GRIN2A: variants seen among roughly 807,000 people sequenced by gnomAD.
GRIN2A encodes glutamate receptor ionotropic, NMDA 2A.
Under a neutral mutation model 113.4 loss-of-function variants are expected in GRIN2A, and 22 were observed. The observed-to-expected ratio is 0.19, with a 90% CI of 0.14 to 0.28. GRIN2A has a LOEUF of 0.28. Ranked by LOEUF, GRIN2A falls within the 10% of genes least tolerant of loss-of-function variation. The pLI is 1.00. For missense variants in GRIN2A, 1,502 were observed against 1,887.0 expected (o/e 0.80, Z 3.78); for synonymous variants, 827 against 738.4 (o/e 1.12, Z -1.94).
At chr16:9,863,515 T>C (rs2043108057) in intron 4 of GRIN2A, among the ~76,000 whole-genome samples, 1 of 152,210 alleles carries the variant, frequency 6.6e-6, no homozygotes, top group Non-Finnish European at 1.5e-5. Flanking sequence ...TGAGCTCTAC[T>C]TTGCAGGCTT....
At chr16:9,858,804 C>A (rs1379140157) in intron 4 of GRIN2A, among the ~76,000 whole-genome samples, 3 of 152,074 alleles carry the variant, frequency 2.0e-5, no homozygotes, top group African/African-American at 7.2e-5. Context: ...TTAATATACA[C>A]CTCTTATGTC....
intron 10 of GRIN2A, among the ~76,000 whole-genome samples, chr16:9,812,651 AAAAG>A (rs537063038): frequency 2.0e-4 from 30 of 152,264 alleles, no homozygotes; most frequent in African/African-American, 7.0e-4. Context: ...ACAAAAACAA[AAAAG>A]AAAGAAAAAA....
chr16:10,074,961 T>G (rs951703294), intron 2 of GRIN2A, among the ~76,000 whole-genome samples: 1 of 152,180 alleles, frequency 6.6e-6, no homozygotes, highest in Non-Finnish European at 1.5e-5. Flanking sequence ...AGTGCTATTA[T>G]ACATAGATAA....
intron 3 of GRIN2A, among the ~76,000 whole-genome samples, chr16:9,904,925 C>T (rs141649685): frequency 1.7e-3 from 263 of 152,322 alleles, no homozygotes; most frequent in Admixed American, 0.014. Context: ...GTGTGACCAA[C>T]CATCCCAGTT....
At chr16:9,878,664 G>A (rs149767158) in intron 4 of GRIN2A, among the ~76,000 whole-genome samples, 22 of 152,208 alleles carry the variant, frequency 1.4e-4, no homozygotes, top group African/African-American at 5.3e-4. Context: ...ATCAACGTAT[G>A]TTCCCATAGA....
intron 2 of GRIN2A, among the ~76,000 whole-genome samples, chr16:10,010,686 C>G (rs1450755252): frequency 6.6e-6 from 1 of 152,266 alleles, no homozygotes; most frequent in East Asian, 1.9e-4. Context: ...ATGACTAGGA[C>G]TCAGCTCAGA....
intron 3 of GRIN2A, among the ~76,000 whole-genome samples, chr16:9,901,960 A>G (rs2043936619): frequency 6.6e-6 from 1 of 152,270 alleles, no homozygotes; most frequent in Non-Finnish European, 1.5e-5. Context: ...TATATGTTGA[A>G]TGGTGTGCCA....
intron 2 of GRIN2A, among the ~76,000 whole-genome samples, chr16:10,099,421 C>G (rs2048352043): frequency 6.6e-6 from 1 of 152,212 alleles, no homozygotes; most frequent in Admixed American, 6.5e-5. Context: ...AGATTCAGCA[C>G]TGGGAGAAGC....
rs2049845316 is a variant in GRIN2A at position 10,163,379 on chromosome 16, C to T, written c.414+16619G>A. Reference sequence around the variant, plus strand: ...TTCAAAATGCTCTCAGCCCTACCTCCCTTTTTCAGGGCATGGTTAATATAT... The same window carrying T: ...TTCAAAATGCTCTCAGCCCTACCTCTCTTTTTCAGGGCATGGTTAATATAT... On this transcript the variant is annotated intron_variant, in intron 2 of 12. Coordinates refer to ENST00000330684, the MANE Select transcript of GRIN2A (RefSeq NM_001134407.3). 3.3e-5 allele frequency among the ~76,000 whole-genome samples: 5 copies of T among 152,306 alleles called. No homozygotes were observed. In the South Asian group the frequency reaches 1.0e-3, roughly 32 times the overall value.
In GRIN2A at chr16:9,754,567, G is replaced by C. The variant is rs1900282806; in HGVS notation, c.*8582C>G. On this transcript the variant is annotated 3_prime_UTR_variant, in exon 13 of 13. Transcript: ENST00000330684. ...CTCAAATTAGAGGCCTGAATCTTTT[G>C]TTTTTAAACTGAAACATTTACGTAA... is the stretch of plus-strand genomic sequence containing the variant. The C allele has an allele frequency of 4.7e-6, 1 of 211,624 alleles. No individual in the cohort carries two copies. The highest frequency in any genetic ancestry group is 5.9e-5 in the Admixed American group (1 of 17,032). 13.1% of individuals were successfully genotyped at this position (211,624 alleles called of 1,614,324 possible).
intron 2 of GRIN2A, among the ~76,000 whole-genome samples, chr16:9,981,240 C>T (rs930166499): frequency 1.3e-5 from 2 of 152,212 alleles, no homozygotes; most frequent in East Asian, 1.9e-4. Context: ...CTCAAGGCAG[C>T]ACTGCCATGC....
At chr16:9,782,127 T>G (rs1354809723) in intron 11 of GRIN2A, among the ~76,000 whole-genome samples, 1 of 152,240 alleles carries the variant, frequency 6.6e-6, no homozygotes, top group Non-Finnish European at 1.5e-5. Context: ...CTTTCTGTAT[T>G]TGTGAATTCA....
At chr16:10,087,231 T>G (rs1386547990) in intron 2 of GRIN2A, among the ~76,000 whole-genome samples, 3 of 152,238 alleles carry the variant, frequency 2.0e-5, no homozygotes, top group African/African-American at 7.2e-5. Flanking sequence ...CTACTATATC[T>G]ACCGCATTGG....
chr16:9,807,176 G>GA (rs1252353924), intron 10 of GRIN2A, among the ~76,000 whole-genome samples: 1 of 139,672 alleles, frequency 7.2e-6, no homozygotes, highest in Non-Finnish European at 1.5e-5. Context: ...TCAGCAGTGT[G>GA]AAAATGAACT....
chr16:9,938,721 G>C (rs1209950911), intron 2 of GRIN2A, among the ~76,000 whole-genome samples, 170 bp from the exon 3 acceptor site: 1 of 152,142 alleles, frequency 6.6e-6, no homozygotes, highest in Non-Finnish European at 1.5e-5. Flanking sequence ...AATACAGAGA[G>C]GACAGAAGCC....
chr16:10,039,197 G>T (rs1331317179), intron 2 of GRIN2A, among the ~76,000 whole-genome samples: 1 of 152,092 alleles, frequency 6.6e-6, no homozygotes, highest in Non-Finnish European at 1.5e-5. Flanking sequence ...GAAAAGAAAG[G>T]CAGAGGGGGG....
At chr16:9,970,710 G>C in intron 2 of GRIN2A, 1 of 898,934 alleles carries the variant, frequency 1.1e-6, no homozygotes, top group Non-Finnish European at 1.3e-6. Context: ...AGGTACTGAA[G>C]ATAAAATAAA....
At chr16:10,009,450 T>C (rs2046463121) in intron 2 of GRIN2A, among the ~76,000 whole-genome samples, 1 of 152,176 alleles carries the variant, frequency 6.6e-6, no homozygotes, top group Non-Finnish European at 1.5e-5. Flanking sequence ...AGCGACATAC[T>C]GTAATAGAGT....
chr16:9,762,909 T>C lies in GRIN2A; in HGVS notation c.*240A>G. 2 of 577,600 alleles carry C rather than the reference T, an allele frequency of 3.5e-6. No individual in the cohort carries two copies. The highest frequency in any genetic ancestry group is 3.1e-6 in the Non-Finnish European group (1 of 324,316). The allele number at this position is 577,600 out of a possible 1,614,324, so 35.8% of individuals were successfully genotyped here. A position where few individuals can be genotyped will look rare whatever the true frequency, so the allele number is the denominator to read the frequency against. On this transcript the variant is annotated 3_prime_UTR_variant, in exon 13 of 13. Transcript: ENST00000330684. ...AGACTTGCCCTTATGTAGTTAGTTATTTTTGGTTAAGGACTCACCTATCTG... is the reference window on the plus strand; with the variant it reads ...AGACTTGCCCTTATGTAGTTAGTTACTTTTGGTTAAGGACTCACCTATCTG...
Sources: allele counts gnomAD v4.1 joint callset (sites outside exome capture counted in the v4.1 genomes callset), GRCh38; gene constraint gnomAD v4.1.1; transcripts MANE v1.5; gene names NCBI Gene and HGNC (gene_info 2026-07-23, HGNC 2026-07-21).